The following UTRN variants were observed in gnomAD, a reference collection of about 807,000 sequenced individuals.
UTRN encodes utrophin.
A neutral mutation model predicts 463.9 loss-of-function variants in UTRN; 283 were observed. The ratio of observed to expected loss-of-function variants is 0.61; its 90% confidence interval spans 0.55 to 0.67. The LOEUF is 0.67. UTRN is among the 30% of genes least tolerant of loss of function. The probability of loss-of-function intolerance (pLI) is 0.00; values close to 1 mark genes in which losing one functional copy is unlikely to be tolerated. For missense variants in UTRN, 3,922 were observed against 4,084.3 expected, an observed-to-expected ratio of 0.96 and a Z score of 1.08; for synonymous variants, 1,442 against 1,431.5, an observed-to-expected ratio of 1.01 and a Z score of -0.17.
intron 53 of UTRN, among the ~76,000 whole-genome samples, chr6:144,701,596 A>T (rs1007719157): frequency 1.3e-5 from 2 of 152,136 alleles, no homozygotes; most frequent in Admixed American, 1.3e-4. Context: ...TTTCTTGTAT[A>T]TACATATCAT....
At chr6:144,317,561 T>G (rs1231491638) in intron 2 of UTRN, among the ~76,000 whole-genome samples, 8 of 152,036 alleles carry the variant, frequency 5.3e-5, no homozygotes, top group Non-Finnish European at 8.8e-5. Flanking sequence ...CATGCCTAGC[T>G]AATTTCTGTA....
At chr6:144,437,846 G>T in intron 11 of UTRN, 100 bp downstream of exon 11, 2 of 1,265,856 alleles carry the variant, frequency 1.6e-6, no homozygotes, top group East Asian at 5.2e-5. Flanking sequence ...GATGATTACA[G>T]AACTTGCCTT....
intron 53 of UTRN, among the ~76,000 whole-genome samples, chr6:144,725,372 G>GT (rs2128711490): frequency 6.6e-6 from 1 of 152,268 alleles, no homozygotes; most frequent in African/African-American, 2.4e-5. Flanking sequence ...TACTAGCAGC[G>GT]TGAGAATGGA....
In UTRN at chr6:144,487,618, T is replaced by C. The variant is rs778333260; in HGVS notation, c.3893T>C (p.Ile1298Thr). The part of the protein sequence containing the change: ...TQIRELGQTL[I>T]DGGILDDIIS... ...ATTCGAGAGCTTGGCCAGACTCTGA[T>C]TGATGGGGGGATCCTGGATGATATA... Residue 1298 changes from isoleucine (I) to threonine (T), a missense_variant, in exon 29 of 75, where the codon ATT becomes ACT. Coordinates refer to ENST00000367545, the MANE Select transcript of UTRN (RefSeq NM_007124.3). 10 of 1,613,714 alleles carry C rather than the reference T, an allele frequency of 6.2e-6. No homozygotes were observed. In the South Asian group the frequency reaches 1.1e-4, roughly 18 times the overall value.
At chr6:144,464,859 G>A (rs939873289) in intron 23 of UTRN, among the ~76,000 whole-genome samples, 1 of 152,124 alleles carries the variant, frequency 6.6e-6, no homozygotes, top group African/African-American at 2.4e-5. Flanking sequence ...ATTGTTCCCG[G>A]CTTTCAAAAT....
chr6:144,388,210 T>C (rs1401891223), intron 2 of UTRN, among the ~76,000 whole-genome samples: 1 of 152,216 alleles, frequency 6.6e-6, no homozygotes, highest in African/African-American at 2.4e-5. Context: ...TGAAGCACTG[T>C]GTATATTCTT....
rs1796159714 is a variant in UTRN at position 144,522,111 on chromosome 6, T to C, written c.5673T>C (p.Asn1891=). 1 of 1,586,376 alleles carries C rather than the reference T, an allele frequency of 6.3e-7. No individual in the cohort carries two copies. Among genetic ancestry groups the C allele is most frequent in the Non-Finnish European group, 8.6e-7 (1 of 1,167,888 alleles). ...TGGATGATGTTGAATTATCGCTTAA[T>C]GTTCCAGAGCTCAACACTGCTATTT... ...LCMDDVELSL[N]VPELNTAIYE... Residue 1891 remains asparagine (N), a synonymous_variant, in exon 40 of 75, where the codon AAT becomes AAC. Coordinates refer to ENST00000367545, the MANE Select transcript of UTRN (RefSeq NM_007124.3).
chr6:144,841,274 C>T (rs1781552819), intron 73 of UTRN, among the ~76,000 whole-genome samples: 1 of 152,182 alleles, frequency 6.6e-6, no homozygotes, highest in Admixed American at 6.5e-5. Flanking sequence ...CATCAGACTC[C>T]AGTGCAGAAA....
intron 52 of UTRN, among the ~76,000 whole-genome samples, chr6:144,681,754 G>A (rs1782222187): frequency 6.6e-6 from 1 of 152,182 alleles, no homozygotes; most frequent in African/African-American, 2.4e-5. Flanking sequence ...GTTTATAACA[G>A]CTTGAAGCTG....
chr6:144,473,812 G>A lies in UTRN; in HGVS notation c.3159G>A (p.Gln1053=), dbSNP rs746047554. ...CCCAAGGAGACGACGCAGGTCTACA[G>A]AGGCAGTTAGACCAGTGCTCTGTGA... is the stretch of plus-strand genomic sequence containing the variant. The part of the protein sequence containing the change: ...QAAQGDDAGL[Q]RQLDQCSAFV... Residue 1053 remains glutamine, a synonymous_variant, in exon 24 of 75, where the codon CAG becomes CAA. Coordinates refer to ENST00000367545, the MANE Select transcript of UTRN (RefSeq NM_007124.3). 4.3e-6 allele frequency: 7 copies of A among 1,613,798 alleles called. 1 individual carries two copies. The South Asian group carries it at 5.5e-5, about 13-fold the overall frequency.
intron 16 of UTRN, among the ~76,000 whole-genome samples, chr6:144,448,368 A>G (rs1349650868): frequency 6.6e-6 from 1 of 152,212 alleles, no homozygotes; most frequent in East Asian, 1.9e-4. Flanking sequence ...AAGTAAATGC[A>G]TGGTTGCCAC....
At chr6:144,613,924 C>T (rs1805792692) in intron 51 of UTRN, among the ~76,000 whole-genome samples, 1 of 152,042 alleles carries the variant, frequency 6.6e-6, no homozygotes, top group African/African-American at 2.4e-5. Flanking sequence ...ATTTTCAAAA[C>T]ACTATTTTAT....
At chr6:144,795,994 A>G (rs1332337227) in intron 63 of UTRN, among the ~76,000 whole-genome samples, 4 of 152,104 alleles carry the variant, frequency 2.6e-5, no homozygotes, top group Admixed American at 1.3e-4. Flanking sequence ...GCCCATGACT[A>G]TGTCCTGAAT....
chr6:144,337,493 TTGTC>T (rs1466844634), intron 2 of UTRN, among the ~76,000 whole-genome samples: 6 of 152,228 alleles, frequency 3.9e-5, no homozygotes. Flanking sequence ...GTAGGTGTCT[TTGTC>T]TGTTTCCACA....
chr6:144,533,917 A>C (rs1248373864), intron 43 of UTRN, among the ~76,000 whole-genome samples: 1 of 151,990 alleles, frequency 6.6e-6, no homozygotes, highest in Admixed American at 6.6e-5. Context: ...AATGATTTCT[A>C]CTTTGTTTCA....
At chr6:144,581,899 T>G (rs1802002708) in intron 51 of UTRN, among the ~76,000 whole-genome samples, 2 of 152,212 alleles carry the variant, frequency 1.3e-5, no homozygotes, top group Admixed American at 6.5e-5. Context: ...TATTTCTATC[T>G]ATTTGCCAAA....
chr6:144,702,040 C>T (rs970721183), intron 53 of UTRN, among the ~76,000 whole-genome samples: 8 of 152,200 alleles, frequency 5.3e-5, no homozygotes, highest in Non-Finnish European at 1.0e-4. Flanking sequence ...ATTATTCATA[C>T]AGTAGTCCCT....
At chr6:144,494,929 G>T (rs182033156) in intron 33 of UTRN, among the ~76,000 whole-genome samples, 1 of 151,930 alleles carries the variant, frequency 6.6e-6, no homozygotes, top group Non-Finnish European at 1.5e-5. Context: ...GTGTGGATTG[G>T]TGCACTCACA....
At chr6:144,754,540 T>TC (rs1322432716) in intron 56 of UTRN, among the ~76,000 whole-genome samples, 180 bp from the exon 57 acceptor site, 4 of 151,134 alleles carry the variant, frequency 2.6e-5, no homozygotes, top group Non-Finnish European at 5.9e-5. Context: ...TCTTTTTTTT[T>TC]TTTTTTTTTT....
Sources: allele counts gnomAD v4.1 joint callset (sites outside exome capture counted in the v4.1 genomes callset), GRCh38; gene constraint gnomAD v4.1.1; transcripts MANE v1.5; gene names NCBI Gene and HGNC (gene_info 2026-07-23, HGNC 2026-07-21).